The following FCRL5 variants were observed in gnomAD, a reference collection of about 807,000 sequenced individuals.
FCRL5 encodes the protein Fc receptor-like protein 5.
In FCRL5, 79 loss-of-function variants were observed where a neutral mutation model predicts 92.1. The ratio of observed to expected loss-of-function variants is 0.86; its 90% CI spans 0.72 to 1.03. FCRL5 has a LOEUF of 1.03. Ranked by LOEUF, FCRL5 falls within the 50% of genes least tolerant of loss-of-function variation. The pLI is 0.00. For synonymous variants in FCRL5, 466 were observed against 469.3 expected, an observed-to-expected ratio of 0.99 and a Z score of 0.09; for missense variants, 1,160 against 1,181.1, an observed-to-expected ratio of 0.98 and a Z score of 0.26.
intron 7 of FCRL5, among the ~76,000 whole-genome samples, chr1:157,535,649 A>G (rs1650935261): frequency 6.6e-6 from 1 of 152,226 alleles, no homozygotes; most frequent in Non-Finnish European, 1.5e-5. Context: ...AATATAAAAA[A>G]GATATTTGTT....
At chr1:157,546,596 C>G (rs1571112337) in intron 3 of FCRL5, among the ~76,000 whole-genome samples, 2 of 152,058 alleles carry the variant, frequency 1.3e-5, no homozygotes, top group African/African-American at 4.8e-5. Flanking sequence ...ATTGCTGGAC[C>G]CCACTTCTAC....
Position 157,520,551 on chromosome 1 carries a change from A to G in FCRL5, c.2516-4T>C. On this transcript the variant is annotated splice_region_variant and splice_polypyrimidine_tract_variant and intron_variant, in intron 11 of 16. Transcript: ENST00000361835. Reference sequence around the variant, plus strand: ...CCACTTCTGTTCGCGGTCAGCCCTGAGGGGGAGACCCTGTGTGTGAGCCAG... The same window carrying G: ...CCACTTCTGTTCGCGGTCAGCCCTGGGGGGGAGACCCTGTGTGTGAGCCAG... 6.3e-7 allele frequency: 1 copy of G among 1,581,270 alleles called. No homozygotes were observed. The highest frequency in any genetic ancestry group is 8.6e-7 in the Non-Finnish European group (1 of 1,162,876).
chr1:157,529,963 A>AT (rs1401689455), intron 8 of FCRL5, among the ~76,000 whole-genome samples: 2 of 152,314 alleles, frequency 1.3e-5, no homozygotes, highest in South Asian at 4.1e-4. Flanking sequence ...AACTACTGAA[A>AT]TTTTTTTAAA....
At chr1:157,518,632 C>A in intron 14 of FCRL5, 68 bp downstream of exon 14, 2 of 1,505,762 alleles carry the variant, frequency 1.3e-6, no homozygotes, top group East Asian at 2.3e-5. Context: ...CCCTCCCCAT[C>A]TCCTGCCCCA....
chr1:157,528,132 A>T (rs988626485), intron 8 of FCRL5: 1 of 373,182 alleles, frequency 2.7e-6, no homozygotes, highest in Non-Finnish European at 4.7e-6. Context: ...CAGGATACAA[A>T]ATCAATGTAC....
chr1:157,549,848 G>C (rs1651737338), intron 1 of FCRL5, among the ~76,000 whole-genome samples: 1 of 151,960 alleles, frequency 6.6e-6, no homozygotes. Context: ...ACAGAAACAC[G>C]ATTTAAAATA....
intron 8 of FCRL5, among the ~76,000 whole-genome samples, chr1:157,529,350 G>C (rs1051361569): frequency 6.6e-6 from 1 of 152,188 alleles, no homozygotes; most frequent in Non-Finnish European, 1.5e-5. Flanking sequence ...CTGCTGGTGG[G>C]AATGTAAACT....
chr1:157,532,977 T>C lies in FCRL5; in HGVS notation c.1681+1637A>G, dbSNP rs558590112. On this transcript the variant is annotated intron_variant, in intron 8 of 16. Coordinates refer to ENST00000361835, the MANE Select transcript of FCRL5 (RefSeq NM_031281.3). ...TTGACAATGTCTTTTTGAATTGATATAAAATTTTCGGTTATTATTCTTCCC... is the reference window on the plus strand; with the variant it reads ...TTGACAATGTCTTTTTGAATTGATACAAAATTTTCGGTTATTATTCTTCCC... 3 of 152,334 alleles carry C rather than the reference T, an allele frequency of 2.0e-5. No individual in the cohort carries two copies. The South Asian group carries it at 6.2e-4, about 32-fold the overall frequency. The allele number at this position is 152,334 out of a possible 1,614,324, so 9.4% of individuals were successfully genotyped here.
At chr1:157,543,964 C>A (rs949392252) in intron 5 of FCRL5, among the ~76,000 whole-genome samples, 12 of 147,166 alleles carry the variant, frequency 8.2e-5, no homozygotes, top group Non-Finnish European at 1.7e-4. Context: ...CATGGCTTAT[C>A]CCTATGGGCC....
chr1:157,534,229 T>C (rs1650828615), intron 8 of FCRL5: 4 of 584,722 alleles, frequency 6.8e-6, no homozygotes, highest in African/African-American at 5.6e-5. Flanking sequence ...TGGAAATCCT[T>C]TGGAGAATTT....
At chr1:157,548,262 A>C (rs574241451) in intron 2 of FCRL5, among the ~76,000 whole-genome samples, 1 of 152,384 alleles carries the variant, frequency 6.6e-6, no homozygotes, top group South Asian at 2.1e-4. Flanking sequence ...AAAACCAGGC[A>C]TCACTTTGAA....
At position 157,549,662 on chromosome 1, in the gene FCRL5, C is replaced by A. The variant is rs183361388; in HGVS notation, c.32-82G>T. 2,629 of 1,271,600 alleles carry A rather than the reference C, an allele frequency of 2.1e-3. 6 individuals are homozygous for A. The highest frequency in any genetic ancestry group is 2.8e-3 in the Middle Eastern group (15 of 5,340). The allele number at this position is 1,271,600 out of a possible 1,614,324, so 78.8% of individuals were successfully genotyped here. A position where few individuals can be genotyped will look rare whatever the true frequency, so the allele number is the denominator to read the frequency against. On this transcript the variant is annotated intron_variant, in intron 1 of 16. Coordinates refer to ENST00000361835, the MANE Select transcript of FCRL5 (RefSeq NM_031281.3). ...AAGATAATTCCCTTTTTTACCCATG[C>A]ATGTATTACTTGTCCCTTTAAAAAA...
At chr1:157,547,574 C>T (rs747556045) in intron 2 of FCRL5, among the ~76,000 whole-genome samples, 1 of 152,216 alleles carries the variant, frequency 6.6e-6, no homozygotes, top group Admixed American at 6.5e-5. Flanking sequence ...TTTGCACTTT[C>T]CCTAAGAGAA....
rs766341435 is a variant in FCRL5 at position 157,544,966 on chromosome 1, G to C, written c.424C>G (p.Leu142Val). The change falls in exon 4 of 17, where the codon CTG becomes GTG. Residue 142 changes from leucine (L) to valine (V), a missense_variant. Physicochemically the swap from Leu to Val is conservative, Grantham distance 32. Transcript: ENST00000361835. ...TCAGTTCTTTTATTAAGGAATGCCA[G>C]GACATTATCATTCTTGTAAATAGTA... ...NNTIYKNDNV[L>V]AFLNKRTDFH... The C allele has an allele frequency of 6.2e-7, 1 of 1,614,196 alleles. No homozygotes were observed. The highest frequency in any genetic ancestry group is 1.7e-5 in the Admixed American group (1 of 60,022).
chr1:157,542,895 C>T lies in FCRL5; in HGVS notation c.1087G>A (p.Ala363Thr), dbSNP rs757938999. Reference protein sequence around the residue: ...YYCTADNGLGAKPSKAVSLSV... With the variant: ...YYCTADNGLGTKPSKAVSLSV... ...AGGCTCACAGCCTTACTGGGCTTGG[C>T]GCCAAGGCCATTGTCAGCTGTGCAG... Residue 363 changes from alanine (A) to threonine (T), a missense_variant, in exon 6 of 17, where the codon GCC becomes ACC. By Grantham distance (58) the Ala-to-Thr change is moderately conservative. Transcript: ENST00000361835. 9.3e-6 allele frequency: 15 copies of T among 1,613,460 alleles called. No homozygotes were observed. The highest frequency in any genetic ancestry group is 4.5e-5 in the East Asian group (2 of 44,896).
At position 157,515,547 on chromosome 1, in the gene FCRL5, A is replaced by T; in HGVS notation, c.*128T>A. The T allele has an allele frequency of 1.9e-6, 3 of 1,591,678 alleles. 1 individual carries two copies. In the Admixed American group the frequency reaches 5.0e-5, roughly 27 times the overall value. Reference sequence around the variant, plus strand: ...CATTCTGGTCAGACTGAGAATGAGGACATGTGAAACAAAGGCCAGTAGATA... The same window carrying T: ...CATTCTGGTCAGACTGAGAATGAGGTCATGTGAAACAAAGGCCAGTAGATA... On this transcript the variant is annotated 3_prime_UTR_variant, in exon 17 of 17. Coordinates refer to ENST00000361835, the MANE Select transcript of FCRL5 (RefSeq NM_031281.3).
intron 1 of FCRL5, 44 bp downstream of exon 1, chr1:157,552,288 T>C: frequency 1.9e-6 from 3 of 1,602,210 alleles, no homozygotes; most frequent in Non-Finnish European, 2.6e-6. Flanking sequence ...AGAGAGAAGC[T>C]GTCCCGATCC....
chr1:157,529,820 G>A (rs1170700885), intron 8 of FCRL5, among the ~76,000 whole-genome samples: 1 of 152,184 alleles, frequency 6.6e-6, no homozygotes, highest in Non-Finnish European at 1.5e-5. Context: ...CAGTGGAAGA[G>A]TGAGAGTGGG....
At chr1:157,546,450 A>AAAACCAAACCAAATC (rs1651540816) in intron 3 of FCRL5, among the ~76,000 whole-genome samples, 1 of 145,016 alleles carries the variant, frequency 6.9e-6, no homozygotes, top group Non-Finnish European at 1.5e-5. Context: ...TCCATCTCAA[A>AAAACCAAACCAAATC]AAACCAAACC....
Sources: gnomAD v4.1 joint callset for allele counts (sites outside exome capture counted in the v4.1 genomes callset) on GRCh38, gnomAD v4.1.1 for gene constraint, MANE v1.5 for transcripts, NCBI Gene and HGNC (gene_info 2026-07-23, HGNC 2026-07-21) for gene names.